The following CLMP variants were observed in gnomAD, a reference collection of about 807,000 sequenced individuals.
CLMP encodes the protein CXADR like cell adhesion molecule, also known as CXADR-like membrane protein.
Under a neutral mutation model 45.2 loss-of-function variants are expected in CLMP, and 27 were observed. That is an observed-to-expected ratio of 0.60 (90% confidence interval 0.44 to 0.82). CLMP has a LOEUF of 0.82. Ranked by LOEUF, CLMP falls within the 40% of genes least tolerant of loss-of-function variation. The pLI, the probability that CLMP is intolerant of heterozygous loss-of-function variation, is 0.00. For synonymous variants in CLMP, 167 were observed against 171.4 expected, an observed-to-expected ratio of 0.97 and a Z score of 0.20; for missense variants, 403 against 448.4, an observed-to-expected ratio of 0.90 and a Z score of 0.91.
intron 1 of CLMP, among the ~76,000 whole-genome samples, chr11:123,117,588 G>A (rs879474161): frequency 2.6e-5 from 4 of 151,942 alleles, no homozygotes; most frequent in Middle Eastern, 3.2e-3. Flanking sequence ...CACCATGCCT[G>A]GCTAATTTTT....
chr11:123,084,164 G>A (rs1176626992), intron 3 of CLMP, among the ~76,000 whole-genome samples: 3 of 152,162 alleles, frequency 2.0e-5, no homozygotes, highest in Admixed American at 1.3e-4. Context: ...ATACAGAAGT[G>A]TATTAATTTG....
chr11:123,185,771 G>A (rs1035799134), intron 1 of CLMP, among the ~76,000 whole-genome samples: 1 of 152,186 alleles, frequency 6.6e-6, no homozygotes, highest in African/African-American at 2.4e-5. Flanking sequence ...CCTCTTTAAT[G>A]AGGAGAAAAA....
chr11:123,100,391 A>C (rs578038362), intron 1 of CLMP, among the ~76,000 whole-genome samples: 2 of 152,174 alleles, frequency 1.3e-5, no homozygotes, highest in East Asian at 3.9e-4. Context: ...AGAAAAAAAA[A>C]AAAAAACCAA....
chr11:123,165,443 C>T (rs1861543886), intron 1 of CLMP, among the ~76,000 whole-genome samples: 2 of 152,172 alleles, frequency 1.3e-5, no homozygotes, highest in South Asian at 4.1e-4. Flanking sequence ...CTGGTACCTA[C>T]CGCATAATAT....
At chr11:123,174,160 C>A (rs576723215) in intron 1 of CLMP, among the ~76,000 whole-genome samples, 17 of 152,218 alleles carry the variant, frequency 1.1e-4, no homozygotes, top group Non-Finnish European at 1.8e-4. Context: ...TAACCTTAAC[C>A]TTTCCACCTT....
At position 123,140,174 on chromosome 11, in the gene CLMP, G is replaced by C. The variant is rs531146267; in HGVS notation, c.29-42222C>G. 2.0e-5 allele frequency among the ~76,000 whole-genome samples: 3 copies of C among 152,302 alleles called. No individual in the cohort carries two copies. In the South Asian group the frequency reaches 6.2e-4, roughly 32 times the overall value. On this transcript the variant is annotated intron_variant, in intron 1 of 6. Transcript: ENST00000448775. ...GGAAGTACCACTCTGGCTTAATGTG[G>C]GATGCGGTGTTGATGGGGTTGGCTA...
intron 6 of CLMP, among the ~76,000 whole-genome samples, chr11:123,074,428 C>T (rs989267061): frequency 6.6e-6 from 1 of 152,052 alleles, no homozygotes; most frequent in Admixed American, 6.6e-5. Flanking sequence ...GTAATCCTCC[C>T]GCCTCGGCCT....
chr11:123,107,534 A>ATTTTTTTTTTTT lies in CLMP; in HGVS notation c.29-9594_29-9583dup, dbSNP rs370750162. 8.0e-4 allele frequency among the ~76,000 whole-genome samples: 99 copies of ATTTTTTTTTTTT among 123,388 alleles called. 3 individuals carry two copies. Among genetic ancestry groups the ATTTTTTTTTTTT allele is most frequent in the African/African-American group, 2.8e-3 (93 of 32,764 alleles). The allele number at this position is 123,388 out of a possible 152,430, so 80.9% of individuals were successfully genotyped here. A position where few individuals can be genotyped will look rare whatever the true frequency, so the allele number is the denominator to read the frequency against. On this transcript the variant is annotated intron_variant, in intron 1 of 6. Transcript: ENST00000448775. ...GTGCGAGCCACCGCACCTGACCTAA[A>ATTTTTTTTTTTT]TTTTTTTTTTTTTTTTTTTCAGAAA...
At chr11:123,151,884 G>T (rs11219032) in intron 1 of CLMP, among the ~76,000 whole-genome samples, 1 of 152,062 alleles carries the variant, frequency 6.6e-6, no homozygotes, top group Non-Finnish European at 1.5e-5. Flanking sequence ...TCTAGTTCTA[G>T]TACCACTCCC....
At chr11:123,117,387 T>C (rs1042424769) in intron 1 of CLMP, among the ~76,000 whole-genome samples, 9 of 151,946 alleles carry the variant, frequency 5.9e-5, no homozygotes, top group African/African-American at 1.7e-4. Context: ...AAGTTTGACT[T>C]GAGACCTTTT....
intron 1 of CLMP, among the ~76,000 whole-genome samples, chr11:123,125,723 C>T (rs912347886): frequency 6.6e-6 from 1 of 151,396 alleles, no homozygotes; most frequent in Admixed American, 6.6e-5. Flanking sequence ...CCTGCCTCAG[C>T]CTCCCAAGTA....
intron 2 of CLMP, among the ~76,000 whole-genome samples, chr11:123,095,954 A>G (rs1865983445): frequency 6.6e-6 from 1 of 152,206 alleles, no homozygotes; most frequent in South Asian, 2.1e-4. Flanking sequence ...AAGAGAATCT[A>G]TCAGAGTCAT....
intron 1 of CLMP, among the ~76,000 whole-genome samples, chr11:123,111,381 G>A (rs1222855681): frequency 1.3e-5 from 2 of 151,972 alleles, no homozygotes; most frequent in African/African-American, 2.4e-5. Context: ...TCGGCCCACC[G>A]CAGCCTCCCA....
Position 123,072,081 on chromosome 11 carries a change from T to C in CLMP, c.*1393A>G, listed in dbSNP as rs1228528012. 2 of 152,256 alleles carry C rather than the reference T, an allele frequency of 1.3e-5. No individual in the cohort carries two copies. The highest frequency in any genetic ancestry group is 4.8e-5 in the African/African-American group (2 of 41,466). 9.4% of individuals were successfully genotyped at this position (152,256 alleles called of 1,614,324 possible). A position where few individuals can be genotyped will look rare whatever the true frequency, so the allele number is the denominator to read the frequency against. ...TTCTTCCAGCCCAGAGCTAGACTTC[T>C]GGATGCTGAGCCTGGGAAAATACTG... On this transcript the variant is annotated 3_prime_UTR_variant, in exon 7 of 7. Coordinates refer to ENST00000448775, the MANE Select transcript of CLMP (RefSeq NM_024769.5).
chr11:123,135,849 G>C (rs1376648363), intron 1 of CLMP: 1 of 431,340 alleles, frequency 2.3e-6, no homozygotes, highest in East Asian at 6.4e-5. Context: ...AGCATGTACT[G>C]TTGAAAGACC....
At chr11:123,155,910 C>A (rs1054942203) in intron 1 of CLMP, among the ~76,000 whole-genome samples, 8 of 152,140 alleles carry the variant, frequency 5.3e-5, no homozygotes, top group African/African-American at 1.9e-4. Flanking sequence ...CAAGGGGAGG[C>A]CCACATGGGG....
At chr11:123,129,506 T>G (rs2135507236) in intron 1 of CLMP, among the ~76,000 whole-genome samples, 1 of 141,310 alleles carries the variant, frequency 7.1e-6, no homozygotes, top group East Asian at 2.0e-4. Context: ...TTCAAAAATT[T>G]CAAATATATT....
chr11:123,131,692 T>G (rs777167285), intron 1 of CLMP, among the ~76,000 whole-genome samples: 49 of 151,774 alleles, frequency 3.2e-4, no homozygotes, highest in African/African-American at 1.2e-3. Context: ...CTCGGTTCAC[T>G]GCAACCCCTG....
intron 1 of CLMP, among the ~76,000 whole-genome samples, chr11:123,190,582 C>T (rs1215057157): frequency 1.3e-5 from 2 of 152,168 alleles, no homozygotes; most frequent in East Asian, 1.9e-4. Flanking sequence ...CAGTCCTGTT[C>T]CTTGTACACA....
Sources: allele counts gnomAD v4.1 joint callset (sites outside exome capture counted in the v4.1 genomes callset), GRCh38; gene constraint gnomAD v4.1.1; transcripts MANE v1.5; gene names NCBI Gene and HGNC (gene_info 2026-07-23, HGNC 2026-07-21).